Variants in PHACTR1 observed in about 807,000 individuals in gnomAD.
PHACTR1 encodes RPEL repeat containing 1.
Under a neutral mutation model 69.2 loss-of-function variants are expected in PHACTR1, and 16 were observed. That is an observed-to-expected ratio of 0.23 (90% CI 0.16 to 0.35). The LOEUF (loss-of-function observed/expected upper bound fraction) is 0.35, where lower values mean the gene tolerates loss of function less well. PHACTR1 is among the 10% of genes least tolerant of loss of function. The pLI is 1.00. For missense variants in PHACTR1, 510 were observed against 734.7 expected, an observed-to-expected ratio of 0.69 and a Z score of 3.54; for synonymous variants, 312 against 284.5, an observed-to-expected ratio of 1.10 and a Z score of -0.97.
Position 13,287,187 on chromosome 6 carries a change from G to T in PHACTR1, c.*109G>T. 2.7e-6 allele frequency: 3 copies of T among 1,104,962 alleles called. No homozygotes were observed. Among genetic ancestry groups the T allele is most frequent in the African/African-American group, 1.6e-5 (1 of 61,136 alleles). 68.4% of individuals were successfully genotyped at this position (1,104,962 alleles called of 1,614,324 possible). On this transcript the variant is annotated 3_prime_UTR_variant, in exon 15 of 15. Transcript: ENST00000332995. The stretch of plus-strand genomic sequence containing the variant: ...CATTACGATGTAAATCTTCTGAACT[G>T]CCTTTTTTTTAAAAAGAAGAAAAAT...
intron 4 of PHACTR1, among the ~76,000 whole-genome samples, chr6:12,767,606 A>G (rs1039684151): frequency 6.6e-6 from 1 of 152,202 alleles, no homozygotes; most frequent in Non-Finnish European, 1.5e-5. Flanking sequence ...GATGATGACC[A>G]TAAAGGACTA....
intron 4 of PHACTR1, among the ~76,000 whole-genome samples, chr6:12,956,006 T>A (rs762620911): frequency 3.9e-5 from 6 of 152,156 alleles, no homozygotes; most frequent in African/African-American, 7.2e-5. Context: ...TATTTTAACA[T>A]GAAAATAGTA....
chr6:13,033,488 C>T (rs774621780), intron 4 of PHACTR1, among the ~76,000 whole-genome samples: 7 of 152,094 alleles, frequency 4.6e-5, no homozygotes, highest in African/African-American at 7.2e-5. Context: ...TAAAATGCAC[C>T]ATTATATCAT....
At chr6:13,074,032 C>A (rs1253479553) in intron 5 of PHACTR1, among the ~76,000 whole-genome samples, 1 of 152,046 alleles carries the variant, frequency 6.6e-6, no homozygotes, top group African/African-American at 2.4e-5. Context: ...GCCACCATGC[C>A]TGGCTAATTT....
chr6:12,880,346 G>T (rs1189473715), intron 4 of PHACTR1, among the ~76,000 whole-genome samples: 1 of 150,710 alleles, frequency 6.6e-6, no homozygotes, highest in Non-Finnish European at 1.5e-5. Context: ...CCCACTTCTA[G>T]CCTCCTGAGT....
intron 4 of PHACTR1, among the ~76,000 whole-genome samples, chr6:12,955,908 C>T (rs1287884488): frequency 2.6e-5 from 4 of 152,182 alleles, no homozygotes; most frequent in African/African-American, 9.6e-5. Context: ...GTCATTACCC[C>T]ATGCTGACCT....
chr6:12,872,853 A>G (rs1782179376), intron 4 of PHACTR1, among the ~76,000 whole-genome samples: 1 of 151,908 alleles, frequency 6.6e-6, no homozygotes. Context: ...TTTCAGGTCC[A>G]TTTTTCTCTT....
At chr6:13,040,866 T>C (rs1465248030) in intron 4 of PHACTR1, among the ~76,000 whole-genome samples, 4 of 152,142 alleles carry the variant, frequency 2.6e-5, no homozygotes, top group Non-Finnish European at 5.9e-5. Flanking sequence ...GAAATGTAGT[T>C]TTGAGAGGCC....
intron 10 of PHACTR1, among the ~76,000 whole-genome samples, chr6:13,262,396 C>A (rs1055184984): frequency 2.6e-5 from 4 of 152,076 alleles, no homozygotes; most frequent in African/African-American, 7.2e-5. Flanking sequence ...GAAAGGTGGC[C>A]AGGAACTCAA....
At chr6:12,801,566 G>A (rs1773706500) in intron 4 of PHACTR1, among the ~76,000 whole-genome samples, 1 of 152,200 alleles carries the variant, frequency 6.6e-6, no homozygotes, top group Admixed American at 6.5e-5. Flanking sequence ...ATGGATGGCA[G>A]AAGGGGGAGG....
chr6:13,034,845 C>G (rs1225486174), intron 4 of PHACTR1, among the ~76,000 whole-genome samples: 3 of 152,128 alleles, frequency 2.0e-5, no homozygotes, highest in Admixed American at 6.5e-5. Context: ...CAGAAAAAGT[C>G]CTTTTCTGGT....
intron 4 of PHACTR1, among the ~76,000 whole-genome samples, chr6:13,032,311 C>T (rs995454044): frequency 1.3e-5 from 2 of 152,080 alleles, no homozygotes; most frequent in Non-Finnish European, 2.9e-5. Context: ...TTATTTTATT[C>T]AGAGTCTGTT....
intron 4 of PHACTR1, among the ~76,000 whole-genome samples, chr6:12,910,357 T>C (rs1786250372): frequency 6.6e-6 from 1 of 152,110 alleles, no homozygotes. Context: ...AGGTGTCTAG[T>C]GATAGGTGTC....
At chr6:13,023,532 T>TG (rs1309053059) in intron 4 of PHACTR1, among the ~76,000 whole-genome samples, 2 of 152,198 alleles carry the variant, frequency 1.3e-5, no homozygotes, top group Non-Finnish European at 2.9e-5. Flanking sequence ...CAGAGGCTCT[T>TG]GGGGGGAAAA....
intron 6 of PHACTR1, among the ~76,000 whole-genome samples, chr6:13,164,723 AT>A (rs1194159220): frequency 6.6e-6 from 1 of 152,206 alleles, no homozygotes; most frequent in African/African-American, 2.4e-5. Context: ...AGTCGTAATT[AT>A]TTGGGCAGAG....
At chr6:13,002,668 A>G (rs1303238884) in intron 4 of PHACTR1, among the ~76,000 whole-genome samples, 2 of 152,224 alleles carry the variant, frequency 1.3e-5, no homozygotes, top group South Asian at 2.1e-4. Flanking sequence ...CTCTAAATGA[A>G]TGTAATGATG....
At chr6:13,258,049 TAAAC>T (rs772612197) in intron 10 of PHACTR1, among the ~76,000 whole-genome samples, 21 of 152,050 alleles carry the variant, frequency 1.4e-4, no homozygotes, top group Non-Finnish European at 2.2e-4. Context: ...CTGCAAAGCT[TAAAC>T]AAACAAACAA....
In PHACTR1 at chr6:13,180,659, G is replaced by T. The variant is rs575076386; in HGVS notation, c.497-1860G>T. 3.3e-5 allele frequency among the ~76,000 whole-genome samples: 5 copies of T among 152,298 alleles called. No homozygotes were observed. In the South Asian group the frequency reaches 1.0e-3, roughly 32 times the overall value. ...ATACTTTGGAACATCAAGAATCAAA[G>T]CGGTTTCCTAGAGATGTGTTAGGCT... On this transcript the variant is annotated intron_variant, in intron 6 of 14. Coordinates refer to ENST00000332995, the MANE Select transcript of PHACTR1 (RefSeq NM_030948.6).
chr6:12,727,777 A>C lies in PHACTR1; in HGVS notation c.103+8930A>C, dbSNP rs558788714. On this transcript the variant is annotated intron_variant, in intron 3 of 14. Coordinates refer to ENST00000332995, the MANE Select transcript of PHACTR1 (RefSeq NM_030948.6). Reference sequence around the variant, plus strand: ...CTTTGTGCCTGTGCTAGCAGAAGAAAGGATAGGGAGCCTAACACTTCAAAA... The same window carrying C: ...CTTTGTGCCTGTGCTAGCAGAAGAACGGATAGGGAGCCTAACACTTCAAAA... Among the ~76,000 whole-genome samples, 4 of 152,312 alleles carry C rather than the reference A, an allele frequency of 2.6e-5. No homozygotes were observed. In the East Asian group the frequency reaches 7.7e-4, roughly 29 times the overall value.
Sources: allele counts gnomAD v4.1 joint callset (sites outside exome capture counted in the v4.1 genomes callset), GRCh38; gene constraint gnomAD v4.1.1; transcripts MANE v1.5; gene names NCBI Gene and HGNC (gene_info 2026-07-23, HGNC 2026-07-21).